The following CCSER1 variants were observed in gnomAD, a reference collection of about 807,000 sequenced individuals.
The protein encoded by CCSER1 is serine-rich coiled-coil domain-containing protein 1.
CCSER1 carries 41 observed loss-of-function variants against 82.0 expected under a neutral mutation model. That is an observed-to-expected ratio of 0.50 (90% CI 0.39 to 0.65). CCSER1 has a LOEUF of 0.65. Ranked by LOEUF, CCSER1 falls within the 30% of genes least tolerant of loss-of-function variation. The pLI is 0.00. For missense variants in CCSER1, 1,119 were observed against 1,064.2 expected, an observed-to-expected ratio of 1.05 and a Z score of -0.72; for synonymous variants, 414 against 383.9, an observed-to-expected ratio of 1.08 and a Z score of -0.92.
intron 9 of CCSER1, among the ~76,000 whole-genome samples, chr4:90,963,349 A>C (rs1031670190): frequency 3.3e-5 from 5 of 152,176 alleles, no homozygotes. Flanking sequence ...AGATAGATCT[A>C]TAGATGATAG....
intron 9 of CCSER1, among the ~76,000 whole-genome samples, chr4:90,932,236 G>A (rs1729914575): frequency 6.6e-6 from 1 of 152,088 alleles, no homozygotes; most frequent in Non-Finnish European, 1.5e-5. Context: ...TTGCATTTCA[G>A]AGTACTGAAA....
intron 10 of CCSER1, among the ~76,000 whole-genome samples, chr4:91,217,336 G>A (rs1327020907): frequency 2.6e-5 from 4 of 152,274 alleles, no homozygotes; most frequent in East Asian, 1.9e-4. Context: ...TTGTCAGGGC[G>A]CTGATTGGTG....
At chr4:91,065,782 TTA>T (rs1720749846) in intron 9 of CCSER1, among the ~76,000 whole-genome samples, 1 of 152,104 alleles carries the variant, frequency 6.6e-6, no homozygotes, top group Non-Finnish European at 1.5e-5. Flanking sequence ...GGTATAGAAA[TTA>T]TAAATAATTT....
intron 5 of CCSER1, among the ~76,000 whole-genome samples, chr4:90,579,590 C>A (rs1212825565): frequency 6.6e-6 from 1 of 152,122 alleles, no homozygotes; most frequent in African/African-American, 2.4e-5. Flanking sequence ...TTCCATACCT[C>A]CTTGCACTCA....
chr4:90,211,415 T>G (rs917764411), intron 1 of CCSER1, among the ~76,000 whole-genome samples: 3 of 152,244 alleles, frequency 2.0e-5, no homozygotes, highest in Non-Finnish European at 4.4e-5. Context: ...CTGGTTACAT[T>G]TAAAATGAGT....
chr4:91,101,464 T>C (rs1725045609), intron 10 of CCSER1, among the ~76,000 whole-genome samples: 1 of 152,086 alleles, frequency 6.6e-6, no homozygotes. Flanking sequence ...GGTGAAACCC[T>C]GTCTCTCCTA....
At chr4:91,277,232 C>T (rs1317895885) in intron 10 of CCSER1, among the ~76,000 whole-genome samples, 2 of 151,962 alleles carry the variant, frequency 1.3e-5, no homozygotes, top group Non-Finnish European at 2.9e-5. Context: ...GGTATAAGTT[C>T]TTAGAAAGTT....
In CCSER1 at chr4:90,756,904, AAC is replaced by A. The variant is rs1749619502; in HGVS notation, c.2010+32917_2010+32918del. The stretch of plus-strand genomic sequence containing the variant: ...GTTAGGTTAAAATAATGAGATAAGG[AAC>A]ACAGAGGAGGCTTATGTGTACTTTA... On this transcript the variant is annotated intron_variant, in intron 7 of 10. Transcript: ENST00000509176. Among the ~76,000 whole-genome samples, 4 of 152,312 alleles carry A rather than the reference AAC, an allele frequency of 2.6e-5. No individual in the cohort carries two copies. In the South Asian group the frequency reaches 8.3e-4, roughly 32 times the overall value.
At chr4:91,412,496 A>G (rs1341529448) in intron 10 of CCSER1, among the ~76,000 whole-genome samples, 1 of 148,408 alleles carries the variant, frequency 6.7e-6, no homozygotes, top group Non-Finnish European at 1.5e-5. Context: ...TGGACATGAA[A>G]GCAGGTATTC....
intron 1 of CCSER1, among the ~76,000 whole-genome samples, chr4:90,217,936 C>T (rs999106902): frequency 6.6e-6 from 1 of 152,004 alleles, no homozygotes; most frequent in Admixed American, 6.6e-5. Context: ...GCTGAGACTA[C>T]AGACACACAC....
chr4:91,057,618 A>G (rs553101678), intron 9 of CCSER1, among the ~76,000 whole-genome samples: 14 of 152,262 alleles, frequency 9.2e-5, no homozygotes, highest in Admixed American at 3.9e-4. Flanking sequence ...TCTTTCGTTA[A>G]TGTTTGTGTA....
chr4:90,492,724 G>C (rs1768256974), intron 5 of CCSER1, among the ~76,000 whole-genome samples: 1 of 152,098 alleles, frequency 6.6e-6, no homozygotes, highest in Non-Finnish European at 1.5e-5. Flanking sequence ...TTGAGTCTTT[G>C]TTCTCATTGG....
chr4:90,407,404 A>C (rs1753889895), intron 4 of CCSER1, among the ~76,000 whole-genome samples: 1 of 152,232 alleles, frequency 6.6e-6, no homozygotes, highest in South Asian at 2.1e-4. Flanking sequence ...ATGGATTCAC[A>C]ACTGAATTCT....
intron 1 of CCSER1, among the ~76,000 whole-genome samples, chr4:90,137,923 G>A (rs963432138): frequency 1.3e-5 from 2 of 152,148 alleles, no homozygotes; most frequent in African/African-American, 4.8e-5. Context: ...ACTCATGGAA[G>A]CCCATCTCAA....
chr4:91,265,176 T>A (rs1741479525), intron 10 of CCSER1, among the ~76,000 whole-genome samples: 1 of 152,030 alleles, frequency 6.6e-6, no homozygotes, highest in Non-Finnish European at 1.5e-5. Flanking sequence ...CCTTACCAAA[T>A]ACTAAAATTT....
chr4:90,612,819 C>T (rs929078859), intron 5 of CCSER1, among the ~76,000 whole-genome samples: 2 of 152,066 alleles, frequency 1.3e-5, no homozygotes, highest in East Asian at 1.9e-4. Flanking sequence ...AATGTTATAC[C>T]AGTCTCTTAT....
chr4:90,252,949 G>A (rs986278938), intron 1 of CCSER1, among the ~76,000 whole-genome samples: 1 of 151,876 alleles, frequency 6.6e-6, no homozygotes, highest in East Asian at 1.9e-4. Context: ...AATCTAAAAT[G>A]TGGCTCCTGT....
At chr4:90,624,186 C>G (rs2148894210) in intron 5 of CCSER1, among the ~76,000 whole-genome samples, 1 of 152,146 alleles carries the variant, frequency 6.6e-6, no homozygotes, top group East Asian at 1.9e-4. Flanking sequence ...ATGCTTTTGG[C>G]CATAGACATT....
At chr4:90,597,236 A>C (rs955209473) in intron 5 of CCSER1, among the ~76,000 whole-genome samples, 24 of 152,140 alleles carry the variant, frequency 1.6e-4, no homozygotes, top group Non-Finnish European at 2.5e-4. Context: ...TCAAAGATGA[A>C]TGAATCAAAT....
Sources: allele counts gnomAD v4.1 joint callset (sites outside exome capture counted in the v4.1 genomes callset), GRCh38; gene constraint gnomAD v4.1.1; transcripts MANE v1.5; gene names NCBI Gene and HGNC (gene_info 2026-07-23, HGNC 2026-07-21).